The following GSE1 variants were observed in gnomAD, a reference collection of about 807,000 sequenced individuals.
The protein encoded by GSE1 is genetic suppressor element 1.
A neutral mutation model predicts 112.6 loss-of-function variants in GSE1; 32 were observed. The observed-to-expected ratio is 0.28, with a 90% CI of 0.21 to 0.38. The LOEUF is 0.38. GSE1 is among the 10% of genes least tolerant of loss of function. GSE1 has a pLI of 1.00. For missense variants in GSE1, 2,348 were observed against 1,699.2 expected (o/e 1.38, Z -6.71); for synonymous variants, 1,115 against 735.6 (o/e 1.52, Z -8.35).
At chr16:85,504,052 C>T (rs1253726625) in intron 2 of GSE1, among the ~76,000 whole-genome samples, 1 of 152,370 alleles carries the variant, frequency 6.6e-6, no homozygotes, top group East Asian at 1.9e-4. Flanking sequence ...CGCCCTCTGC[C>T]TCCCACGGTG....
At chr16:85,331,590 T>TGTATATAA (rs1567693225) in intron 1 of GSE1, among the ~76,000 whole-genome samples, 1 of 136,062 alleles carries the variant, frequency 7.3e-6, no homozygotes, top group African/African-American at 2.7e-5. Context: ...TGTGTATATA[T>TGTATATAA]GTGTATATGT....
chr16:85,614,769 C>T (rs1450296872), intron 1 of GSE1, among the ~76,000 whole-genome samples: 8 of 152,222 alleles, frequency 5.3e-5, no homozygotes, highest in Non-Finnish European at 1.0e-4. Context: ...CTCCCCGCTG[C>T]GGTGCCTTAT....
chr16:85,312,057 C>G (rs1197181313), intron 1 of GSE1, among the ~76,000 whole-genome samples: 1 of 152,184 alleles, frequency 6.6e-6, no homozygotes, highest in Non-Finnish European at 1.5e-5. Context: ...CTGGCTTGGC[C>G]TCTCTGCCTT....
intron 1 of GSE1, among the ~76,000 whole-genome samples, chr16:85,279,825 A>C (rs1333904983): frequency 6.6e-6 from 1 of 151,886 alleles, no homozygotes; most frequent in Non-Finnish European, 1.5e-5. Flanking sequence ...CCCCTGCCTG[A>C]GTGAGGATCT....
At chr16:85,479,957 G>A (rs995503028) in intron 2 of GSE1, among the ~76,000 whole-genome samples, 1 of 152,190 alleles carries the variant, frequency 6.6e-6, no homozygotes, top group South Asian at 2.1e-4. Context: ...TCAGATCTGA[G>A]GACCCAAAGC....
intron 12 of GSE1, 66 bp from the exon 13 acceptor site, chr16:85,665,910 G>C (rs1045071631): frequency 6.7e-7 from 1 of 1,484,232 alleles, no homozygotes; most frequent in African/African-American, 1.4e-5. Context: ...ACCAGGATCT[G>C]CGTGCTGGAC....
In GSE1 at chr16:85,654,333, C is replaced by T. The variant is rs756826959; in HGVS notation, c.482C>T (p.Pro161Leu). The T allele has an allele frequency of 3.7e-5, 59 of 1,611,576 alleles. No homozygotes were observed. In the Admixed American group the frequency reaches 4.0e-4, roughly 11 times the overall value. Residue 161 changes from proline (P) to leucine (L), a missense_variant, in exon 4 of 16, where the codon CCG (proline) becomes CTG (leucine). Transcript: ENST00000253458. ...GGRERLIVEP[P>L]LPQEKAGGPA... is the part of the protein sequence containing the mutation. The stretch of plus-strand genomic sequence containing the variant: ...CGGGAACGCCTCATTGTGGAGCCCC[C>T]GCTCCCTCAGGAGAAGGCAGGGGGA...
intron 1 of GSE1, among the ~76,000 whole-genome samples, chr16:85,626,594 G>A (rs1175287468): frequency 2.0e-5 from 3 of 152,232 alleles, no homozygotes; most frequent in East Asian, 3.9e-4. Context: ...AGCCTCACGG[G>A]GTGTAATTAC....
chr16:85,480,416 C>G (rs1324273848), intron 2 of GSE1, among the ~76,000 whole-genome samples: 1 of 152,202 alleles, frequency 6.6e-6, no homozygotes, highest in African/African-American at 2.4e-5. Context: ...CCACCCCCCT[C>G]TGCCTGCTCC....
In GSE1 at chr16:85,634,024, C is replaced by T. The variant is rs1039686088; in HGVS notation, c.118C>T (p.Pro40Ser). The part of the protein sequence containing the change: ...TPSPLNGALV[P>S]SGSPATSSAL... ...CTCGCCGCTCAATGGCGCCCTGGTG[C>T]CCAGCGGCAGCCCCGCCACCAGCAG... Residue 40 changes from proline to serine, a missense_variant, in exon 2 of 16, where the codon CCC becomes TCC. Coordinates refer to ENST00000253458, the MANE Select transcript of GSE1 (RefSeq NM_014615.5). The T allele has an allele frequency of 3.1e-6, 5 of 1,611,418 alleles. No homozygotes were observed. The highest frequency in any genetic ancestry group is 3.3e-5 in the Admixed American group (2 of 59,874).
chr16:85,485,961 G>A (rs2050824094), intron 2 of GSE1, among the ~76,000 whole-genome samples: 1 of 152,214 alleles, frequency 6.6e-6, no homozygotes, highest in Non-Finnish European at 1.5e-5. Context: ...ACTGGCCGCT[G>A]CCTCTCCTCC....
chr16:85,506,835 C>T (rs889502053), intron 2 of GSE1, among the ~76,000 whole-genome samples: 1 of 152,290 alleles, frequency 6.6e-6, no homozygotes, highest in Admixed American at 6.5e-5. Context: ...TTTGTTCCCC[C>T]AAACCTTATA....
chr16:85,667,402 C>G (rs778128088), intron 13 of GSE1, among the ~76,000 whole-genome samples: 1 of 152,262 alleles, frequency 6.6e-6, no homozygotes, highest in Admixed American at 6.5e-5. Flanking sequence ...TGTCACCCAC[C>G]AGGCCACGCC....
rs2051966405 is a variant in GSE1, at chr16:85,656,507, T to TGGAGCGCCAGCG, written c.1160_1171dup (p.Arg387_Glu390dup). ...CGTGAGAAGGAGCGCGAGCGCGAGC[T>TGGAGCGCCAGCG]GGAGCGCCAGCGGGAGCAGCGGGCC... On this transcript the variant is annotated inframe_insertion, in exon 7 of 16. Coordinates refer to ENST00000253458, the MANE Select transcript of GSE1 (RefSeq NM_014615.5). 2.6e-6 allele frequency: 4 copies of TGGAGCGCCAGCG among 1,547,760 alleles called. No individual in the cohort carries two copies. Among genetic ancestry groups the TGGAGCGCCAGCG allele is most frequent in the African/African-American group, 1.4e-5 (1 of 72,848 alleles).
intron 1 of GSE1, among the ~76,000 whole-genome samples, chr16:85,172,125 A>G (rs536440531): frequency 2.0e-5 from 3 of 152,282 alleles, no homozygotes; most frequent in African/African-American, 4.8e-5. Context: ...TCTATCAAAC[A>G]GAGGAAGTTC....
chr16:85,340,143 G>A (rs1039175229), intron 1 of GSE1, among the ~76,000 whole-genome samples: 2 of 152,162 alleles, frequency 1.3e-5, no homozygotes, highest in African/African-American at 4.8e-5. Flanking sequence ...GAGCCCAGGA[G>A]TTCAGACCAG....
At chr16:85,335,863 C>A (rs549465735) in intron 1 of GSE1, among the ~76,000 whole-genome samples, 1 of 152,328 alleles carries the variant, frequency 6.6e-6, no homozygotes, top group African/African-American at 2.4e-5. Context: ...CCCTTCAGAC[C>A]TGACGTCCAG....
chr16:85,544,737 C>T (rs1252042351), intron 2 of GSE1, among the ~76,000 whole-genome samples: 1 of 152,234 alleles, frequency 6.6e-6, no homozygotes, highest in Non-Finnish European at 1.5e-5. Context: ...GCAGTGACTT[C>T]TTGTCCAGCA....
chr16:85,332,612 T>C (rs947324154), intron 1 of GSE1, among the ~76,000 whole-genome samples: 1 of 152,030 alleles, frequency 6.6e-6, no homozygotes, highest in African/African-American at 2.4e-5. Context: ...GCCGCACTGC[T>C]CTCTGCGGAC....
Sources: gnomAD v4.1 joint callset for allele counts (sites outside exome capture counted in the v4.1 genomes callset) on GRCh38, gnomAD v4.1.1 for gene constraint, MANE v1.5 for transcripts, NCBI Gene and HGNC (gene_info 2026-07-23, HGNC 2026-07-21) for gene names.